Variants in SH3GL3 observed in about 807,000 individuals in gnomAD.
SH3GL3 encodes the protein endophilin-A3.
A neutral mutation model predicts 47.7 loss-of-function variants in SH3GL3; 33 were observed. That is an observed-to-expected ratio of 0.69 (90% CI 0.52 to 0.92). The LOEUF (loss-of-function observed/expected upper bound fraction) is 0.92. Among genes scored for constraint, SH3GL3 ranks in the 40% least tolerant of loss-of-function variants. The probability of loss-of-function intolerance (pLI) is 0.00; values close to 1 mark genes in which losing one functional copy is unlikely to be tolerated. For synonymous variants in SH3GL3, 155 were observed against 148.8 expected, an observed-to-expected ratio of 1.04 and a Z score of -0.30; for missense variants, 363 against 417.8, an observed-to-expected ratio of 0.87 and a Z score of 1.14.
intron 1 of SH3GL3, among the ~76,000 whole-genome samples, chr15:83,507,949 TATTG>T (rs1425885665): frequency 6.6e-6 from 1 of 152,100 alleles, no homozygotes; most frequent in African/African-American, 2.4e-5. Flanking sequence ...TTATTTTATT[TATTG>T]ATTGATTGAG....
downstream of SH3GL3, among the ~76,000 whole-genome samples, chr15:83,621,469 A>T (rs1382081135): frequency 6.6e-6 from 1 of 152,148 alleles, no homozygotes; most frequent in Non-Finnish European, 1.5e-5. Flanking sequence ...AAACACACAC[A>T]ACATTTATCA....
intron 1 of SH3GL3, among the ~76,000 whole-genome samples, chr15:83,554,301 C>T (rs561303857): frequency 6.6e-6 from 1 of 152,302 alleles, no homozygotes; most frequent in South Asian, 2.1e-4. Context: ...GATTCTCCTG[C>T]CTCAGCCTCC....
intron 1 of SH3GL3, among the ~76,000 whole-genome samples, chr15:83,553,258 C>A (rs2044759662): frequency 6.6e-6 from 1 of 152,306 alleles, no homozygotes; most frequent in African/African-American, 2.4e-5. Flanking sequence ...GATATTACTG[C>A]TGCAGGCTTT....
At chr15:83,466,828 T>C (rs1379685055) in intron 1 of SH3GL3, among the ~76,000 whole-genome samples, 1 of 152,256 alleles carries the variant, frequency 6.6e-6, no homozygotes, top group Non-Finnish European at 1.5e-5. Context: ...TTGCATATGC[T>C]TATTGGCTTT....
chr15:83,525,933 T>C (rs2043401075), intron 1 of SH3GL3, among the ~76,000 whole-genome samples: 1 of 152,164 alleles, frequency 6.6e-6, no homozygotes, highest in Admixed American at 6.5e-5. Context: ...AGTTCTGTAA[T>C]TTTTTTGACA....
At chr15:83,551,502 C>A (rs991403603) in intron 1 of SH3GL3, among the ~76,000 whole-genome samples, 6 of 152,160 alleles carry the variant, frequency 3.9e-5, no homozygotes, top group Non-Finnish European at 8.8e-5. Flanking sequence ...TTTCCCCACT[C>A]CACCTCTTCA....
intron 1 of SH3GL3, among the ~76,000 whole-genome samples, chr15:83,526,957 G>A (rs1037873775): frequency 6.6e-6 from 1 of 151,960 alleles, no homozygotes; most frequent in Non-Finnish European, 1.5e-5. Context: ...GTATTCCTAG[G>A]TATTTCTTTG....
At chr15:83,557,464 A>G (rs1409963120) in intron 1 of SH3GL3, among the ~76,000 whole-genome samples, 1 of 152,230 alleles carries the variant, frequency 6.6e-6, no homozygotes, top group Non-Finnish European at 1.5e-5. Context: ...TCAGTGTACC[A>G]GATAACTTCT....
At chr15:83,557,575 G>T (rs551808099) in intron 1 of SH3GL3, among the ~76,000 whole-genome samples, 1 of 152,320 alleles carries the variant, frequency 6.6e-6, no homozygotes, top group African/African-American at 2.4e-5. Context: ...CTCAGCTGGG[G>T]TCTCTCACGT....
intron 1 of SH3GL3, among the ~76,000 whole-genome samples, chr15:83,533,223 T>C (rs941125603): frequency 6.6e-6 from 1 of 152,144 alleles, no homozygotes; most frequent in East Asian, 1.9e-4. Context: ...GAGTAGAATA[T>C]GGGGAAATAA....
chr15:83,628,381 T>A, the SH3GL3 span, among the ~76,000 whole-genome samples: 16 of 152,366 alleles, frequency 1.1e-4, no homozygotes, highest in Admixed American at 9.8e-4. Flanking sequence ...ATATTCTTTA[T>A]AACTGCTTTT....
intron 1 of SH3GL3, among the ~76,000 whole-genome samples, chr15:83,527,853 T>C (rs929425719): frequency 1.3e-5 from 2 of 152,022 alleles, no homozygotes; most frequent in Non-Finnish European, 2.9e-5. Flanking sequence ...TTGAATCTCT[T>C]TTTTTTTCCT....
At chr15:83,629,698 T>C in the SH3GL3 span, among the ~76,000 whole-genome samples, 2 of 152,144 alleles carry the variant, frequency 1.3e-5, no homozygotes, top group African/African-American at 4.8e-5. Flanking sequence ...CATGCACCTA[T>C]AGTACTAGCT....
rs746116205 is a variant in SH3GL3 at position 83,572,705 on chromosome 15, C to T, written c.465+7C>T. On this transcript the variant is annotated splice_region_variant and intron_variant, in intron 5 of 8. Coordinates refer to ENST00000427482, the MANE Select transcript of SH3GL3 (RefSeq NM_003027.5). ...AGATTTAAAAGAGATCGGGGTAAGT[C>T]TTCCAGGGTATAAATATACCTGTTG... 31 of 1,595,862 alleles carry T rather than the reference C, an allele frequency of 1.9e-5. No individual in the cohort carries two copies. In the African/African-American group the frequency reaches 3.8e-4, roughly 19 times the overall value.
rs1187164231 is a variant in SH3GL3, at chr15:83,618,455, A to ATT, written c.*171_*172dup. On this transcript the variant is annotated 3_prime_UTR_variant, in exon 9 of 9. Transcript: ENST00000427482. ...TATATCACTTTAATTTGTATAAATG[A>ATT]TTTTCTTGTCCTTGCTACATGAAAA... The ATT allele has an allele frequency of 1.2e-5, 7 of 569,466 alleles. No homozygotes were observed. The highest frequency in any genetic ancestry group is 2.2e-5 in the Non-Finnish European group (7 of 322,202). 35.3% of individuals were successfully genotyped at this position (569,466 alleles called of 1,614,324 possible).
At chr15:83,627,270 A>G in the SH3GL3 span, among the ~76,000 whole-genome samples, 5 of 151,888 alleles carry the variant, frequency 3.3e-5, no homozygotes, top group East Asian at 1.9e-4. Context: ...GGTGGCGGGC[A>G]CCTGTAGTCC....
intron 1 of SH3GL3, among the ~76,000 whole-genome samples, chr15:83,458,122 G>C (rs1403533763): frequency 1.3e-5 from 2 of 152,200 alleles, no homozygotes; most frequent in Admixed American, 6.5e-5. Context: ...ACACTGTTCG[G>C]CTAAATAGTG....
intron 1 of SH3GL3, among the ~76,000 whole-genome samples, chr15:83,474,492 G>A (rs72760311): frequency 0.1 from 15,423 of 151,848 alleles, 1,153 homozygotes; most frequent in East Asian, 0.23. Context: ...TAATTATTAT[G>A]ATCCACTGCC....
At chr15:83,478,755 G>T (rs903467998) in intron 1 of SH3GL3, among the ~76,000 whole-genome samples, 8 of 152,138 alleles carry the variant, frequency 5.3e-5, no homozygotes, top group Non-Finnish European at 8.8e-5. Flanking sequence ...CGTATACTAG[G>T]GTAAAGAGCA....
Sources: gnomAD v4.1 joint callset for allele counts (sites outside exome capture counted in the v4.1 genomes callset) on GRCh38, gnomAD v4.1.1 for gene constraint, MANE v1.5 for transcripts, NCBI Gene and HGNC (gene_info 2026-07-23, HGNC 2026-07-21) for gene names.